The following RGS12 variants were observed in gnomAD, a reference collection of about 807,000 sequenced individuals.
RGS12 encodes the protein regulator of G-protein signaling 12.
RGS12 carries 66 observed loss-of-function variants against 120.1 expected under a neutral mutation model. The observed-to-expected ratio is 0.55, with a 90% CI of 0.45 to 0.67. RGS12 has a LOEUF of 0.67. RGS12 is among the 30% of genes least tolerant of loss of function. RGS12 has a pLI of 0.00. For synonymous variants in RGS12, 827 were observed against 804.7 expected (o/e 1.03, Z -0.47); for missense variants, 1,859 against 1,957.7 (o/e 0.95, Z 0.95).
intron 3 of RGS12, among the ~76,000 whole-genome samples, chr4:3,379,204 TG>T (rs1343585314): frequency 6.6e-6 from 1 of 152,196 alleles, no homozygotes; most frequent in African/African-American, 2.4e-5. Context: ...TACCAGTGCC[TG>T]GCGGTAGTGG....
intron 2 of RGS12, among the ~76,000 whole-genome samples, chr4:3,335,273 A>G (rs539209699): frequency 6.6e-6 from 1 of 152,276 alleles, no homozygotes; most frequent in East Asian, 1.9e-4. Flanking sequence ...GGTTCCTTAC[A>G]CGTTACTCTG....
intron 3 of RGS12, 72 bp from the exon 4 acceptor site, chr4:3,386,344 G>C (rs766440168): frequency 7.0e-7 from 1 of 1,428,902 alleles, no homozygotes; most frequent in Non-Finnish European, 9.9e-7. Flanking sequence ...GTGTTCCTCA[G>C]ATGGACTTTT....
chr4:3,380,262 C>T (rs1049892751), intron 3 of RGS12, among the ~76,000 whole-genome samples: 2 of 152,256 alleles, frequency 1.3e-5, no homozygotes, highest in Non-Finnish European at 2.9e-5. Flanking sequence ...TGGGCTCCCA[C>T]GGCCTTGGGC....
chr4:3,398,367 A>C (rs1250944456), intron 4 of RGS12, among the ~76,000 whole-genome samples: 1 of 152,172 alleles, frequency 6.6e-6, no homozygotes, highest in African/African-American at 2.4e-5. Context: ...CTATAATCCT[A>C]GCTGTGGATT....
intron 3 of RGS12, chr4:3,378,393 C>T (rs796479108): frequency 6.6e-6 from 1 of 151,956 alleles, no homozygotes; most frequent in South Asian, 2.1e-4. Context: ...GAACAAGCAA[C>T]AAAACTAAAA....
rs758776374 is a variant in RGS12, at chr4:3,423,661, C to T, written c.3234+20C>T. 25 of 1,595,278 alleles carry T rather than the reference C, an allele frequency of 1.6e-5. No individual in the cohort carries two copies. Among genetic ancestry groups the T allele is most frequent in the East Asian group, 1.1e-4 (5 of 44,650 alleles). ...AGGCTGGTGAGTGTTGCACGGGGCCCGGGCGTCGTCACCGCAGGCACTGTC... is the reference window on the plus strand; with the variant it reads ...AGGCTGGTGAGTGTTGCACGGGGCCTGGGCGTCGTCACCGCAGGCACTGTC... On this transcript the variant is annotated intron_variant, in intron 13 of 17. Coordinates refer to ENST00000336727, the MANE Select transcript of RGS12 (RefSeq NM_001394154.1).
In RGS12 at chr4:3,348,331, A is replaced by C. The variant is rs114670056; in HGVS notation, c.1998+5278A>C. Among the ~76,000 whole-genome samples the C allele has an allele frequency of 7.5e-3, 1,135 of 152,316 alleles. 13 individuals are homozygous for C. Among genetic ancestry groups the C allele is most frequent in the Non-Finnish European group, 0.012 (795 of 68,026 alleles). ...TTCCTACAAAATAAAAAACTTAATA[A>C]AGACAACACAGGAAATTATCTTGAT... On this transcript the variant is annotated intron_variant, in intron 3 of 17. Transcript: ENST00000336727.
At position 3,294,885 on chromosome 4, in the gene RGS12, G is replaced by A. The variant is rs146657586; in HGVS notation, c.-102+1786G>A. ...TGACAAAGACAAGGGCGGAGGAAAG[G>A]CCCCTCACGTGGACTGGAGGTACAG... On this transcript the variant is annotated intron_variant, in intron 1 of 17. Coordinates refer to ENST00000336727, the MANE Select transcript of RGS12 (RefSeq NM_001394154.1). Among the ~76,000 whole-genome samples the A allele has an allele frequency of 1.3e-3, 197 of 152,250 alleles. 1 individual carries two copies. The highest frequency in any genetic ancestry group is 2.6e-3 in the Admixed American group (39 of 15,292).
At chr4:3,325,212 C>T (rs1312132206) in intron 2 of RGS12, among the ~76,000 whole-genome samples, 1 of 152,116 alleles carries the variant, frequency 6.6e-6, no homozygotes, top group Admixed American at 6.5e-5. Flanking sequence ...AGGAATGCGG[C>T]TTAAGTTTTA....
the RGS12 span, among the ~76,000 whole-genome samples, chr4:3,287,156 G>T: frequency 6.6e-6 from 1 of 152,230 alleles, no homozygotes; most frequent in Non-Finnish European, 1.5e-5. Flanking sequence ...CAGCGCCCAG[G>T]CCCCGACGCT....
chr4:3,322,210 C>T (rs1560662515), intron 2 of RGS12, among the ~76,000 whole-genome samples: 1 of 152,202 alleles, frequency 6.6e-6, no homozygotes. Context: ...CCCTGCACAC[C>T]GAGCCACGTG....
chr4:3,392,321 T>G (rs546353706), intron 4 of RGS12, among the ~76,000 whole-genome samples: 1 of 152,290 alleles, frequency 6.6e-6, no homozygotes, highest in South Asian at 2.1e-4. Flanking sequence ...TTATGATGAG[T>G]CTCAGGTTGG....
chr4:3,431,404 G>C (rs997400645), intron 17 of RGS12: 26 of 1,004,752 alleles, frequency 2.6e-5, no homozygotes, highest in Non-Finnish European at 5.9e-6. Flanking sequence ...AGCAGGAGAG[G>C]GCTCCCAGAC....
intron 4 of RGS12, among the ~76,000 whole-genome samples, chr4:3,391,516 T>C (rs1173542593): frequency 6.6e-6 from 1 of 152,230 alleles, no homozygotes; most frequent in African/African-American, 2.4e-5. Context: ...ACAGAAGCCC[T>C]TGGTGCCCCT....
chr4:3,292,811 C>T (rs1405231363), upstream of RGS12, among the ~76,000 whole-genome samples: 1 of 152,182 alleles, frequency 6.6e-6, no homozygotes, highest in African/African-American at 2.4e-5. Flanking sequence ...GGCCCCGTCC[C>T]TCGCTTCTTC....
chr4:3,319,212 C>T (rs1298758678), intron 2 of RGS12, among the ~76,000 whole-genome samples: 1 of 152,120 alleles, frequency 6.6e-6, no homozygotes, highest in Admixed American at 6.5e-5. Context: ...CTCGCTTGAG[C>T]CCAGGAGTTC....
intron 3 of RGS12, among the ~76,000 whole-genome samples, chr4:3,380,523 C>T (rs1222789647): frequency 6.6e-6 from 1 of 152,178 alleles, no homozygotes; most frequent in Non-Finnish European, 1.5e-5. Flanking sequence ...CACGAGGGCC[C>T]CACCCCTGCA....
Position 3,342,957 on chromosome 4 carries a change from A to C in RGS12, c.1902A>C (p.Gly634=). 6.2e-7 allele frequency: 1 copy of C among 1,613,730 alleles called. No homozygotes were observed. The highest frequency in any genetic ancestry group is 8.5e-7 in the Non-Finnish European group (1 of 1,179,880). ...TTTAGGGCTCAAAATTTGGGCGGGG[A>C]ACTGGACTCACTCAGCCTTCTCAAC... is the stretch of plus-strand genomic sequence containing the variant. The part of the protein sequence containing the change: ...EDKKGSKFGR[G]TGLTQPSQRT... Residue 634 remains glycine, a synonymous_variant, in exon 3 of 18, where the codon GGA becomes GGC. Transcript: ENST00000336727.
chr4:3,335,389 T>G (rs1363153741), intron 2 of RGS12, among the ~76,000 whole-genome samples: 2 of 152,238 alleles, frequency 1.3e-5, no homozygotes, highest in African/African-American at 2.4e-5. Flanking sequence ...GCACAGAGTT[T>G]TGTAACAGAT....
Sources: gnomAD v4.1 joint callset for allele counts (sites outside exome capture counted in the v4.1 genomes callset) on GRCh38, gnomAD v4.1.1 for gene constraint, MANE v1.5 for transcripts, NCBI Gene and HGNC (gene_info 2026-07-23, HGNC 2026-07-21) for gene names.